The following SECISBP2L variants were observed in gnomAD, a reference collection of about 807,000 sequenced individuals.
SECISBP2L encodes SECIS binding protein 2 like, also known as selenocysteine insertion sequence-binding protein 2-like.
Under a neutral mutation model 114.7 loss-of-function variants are expected in SECISBP2L, and 43 were observed. The observed-to-expected ratio is 0.38, with a 90% CI of 0.29 to 0.48. The LOEUF (loss-of-function observed/expected upper bound fraction) is 0.48, where lower values mean the gene tolerates loss of function less well. Ranked by LOEUF, SECISBP2L falls within the 20% of genes least tolerant of loss-of-function variation. The probability of loss-of-function intolerance (pLI) is 0.98; values close to 1 mark genes in which losing one functional copy is unlikely to be tolerated. For synonymous variants in SECISBP2L, 451 were observed against 439.7 expected (o/e 1.03, Z -0.32); for missense variants, 1,136 against 1,301.1 (o/e 0.87, Z 1.95).
chr15:49,036,739 T>C (rs1179395831), intron 2 of SECISBP2L, among the ~76,000 whole-genome samples: 1 of 152,228 alleles, frequency 6.6e-6, no homozygotes, highest in Non-Finnish European at 1.5e-5. Context: ...CATTTAATAT[T>C]TGAGTAGTTG....
chr15:49,028,257 G>T, intron 5 of SECISBP2L, 89 bp from the exon 6 acceptor site: 1 of 1,158,902 alleles, frequency 8.6e-7, no homozygotes, highest in Non-Finnish European at 1.2e-6. Flanking sequence ...ATCCTAGTGT[G>T]AAGCATGCAT....
At chr15:49,023,434 G>A (rs750708117) in intron 7 of SECISBP2L, among the ~76,000 whole-genome samples, 4 of 152,152 alleles carry the variant, frequency 2.6e-5, no homozygotes, top group African/African-American at 7.2e-5. Flanking sequence ...ATCTGAAGCC[G>A]TATGAAACTA....
chr15:48,994,677 T>G (rs11070675), intron 17 of SECISBP2L, among the ~76,000 whole-genome samples: 7,230 of 152,242 alleles, frequency 0.047, 252 homozygotes, highest in East Asian at 0.15. Context: ...ATGAAGTTTT[T>G]CCTAACTCCT....
At chr15:49,017,771 G>A in intron 8 of SECISBP2L, 143 bp from the exon 9 acceptor site, 1 of 545,174 alleles carries the variant, frequency 1.8e-6, no homozygotes, top group South Asian at 2.7e-5. Flanking sequence ...AAGAGGAAAT[G>A]TCATTTCTCA....
chr15:48,992,441 G>A lies in SECISBP2L; in HGVS notation c.3109C>T (p.Leu1037Phe), dbSNP rs745312027. ...TMETLQLGKT[L>F]NGSEEDNVEQ... ...ACATTGTCTTCCTCAGAACCATTAA[G>A]GGTTTTTCCAAGCTGAAGGGTTTCC... Residue 1037 changes from leucine (L) to phenylalanine (F), a missense_variant, in exon 18 of 18, where the codon CTT (leucine) becomes TTT (phenylalanine). Physicochemically the swap from Leu to Phe is conservative, Grantham distance 22. Coordinates refer to ENST00000559471, the MANE Select transcript of SECISBP2L (RefSeq NM_001193489.2). 1 of 1,614,016 alleles carries A rather than the reference G, an allele frequency of 6.2e-7. No homozygotes were observed. The highest frequency in any genetic ancestry group is 1.3e-5 in the African/African-American group (1 of 74,914).
chr15:48,996,976 A>G (rs1340865774), intron 16 of SECISBP2L, among the ~76,000 whole-genome samples: 1 of 152,206 alleles, frequency 6.6e-6, no homozygotes, highest in Non-Finnish European at 1.5e-5. Flanking sequence ...GACACCTATA[A>G]TGCAAGGCAT....
intron 16 of SECISBP2L, 90 bp from the exon 17 acceptor site, chr15:48,996,676 A>G (rs1902098848): frequency 8.8e-6 from 10 of 1,140,376 alleles, no homozygotes; most frequent in Non-Finnish European, 1.1e-5. Flanking sequence ...TGTTTGTTTC[A>G]GGGTCAGACA....
In SECISBP2L at chr15:48,990,671, T is replaced by C. The variant is rs1174474744; in HGVS notation, c.*1573A>G. The C allele has an allele frequency of 1.3e-5, 2 of 152,566 alleles. No individual in the cohort carries two copies. The highest frequency in any genetic ancestry group is 2.4e-5 in the African/African-American group (1 of 41,414). 9.5% of individuals were successfully genotyped at this position (152,566 alleles called of 1,614,324 possible). A position where few individuals can be genotyped will look rare whatever the true frequency, so the allele number is the denominator to read the frequency against. ...TTATAAAACATCAAAACTAGCACAG[T>C]AGTCCCAATGAGTTCAGTAAAGAAT... On this transcript the variant is annotated 3_prime_UTR_variant, in exon 18 of 18. Coordinates refer to ENST00000559471, the MANE Select transcript of SECISBP2L (RefSeq NM_001193489.2).
chr15:49,005,560 C>CTTTTTTTT (rs752466722), intron 14 of SECISBP2L, among the ~76,000 whole-genome samples: 5 of 36,746 alleles, frequency 1.4e-4, no homozygotes, highest in Non-Finnish European at 2.0e-4. Flanking sequence ...GCAACCCCTG[C>CTTTTTTTT]TTTTTTTTTT....
chr15:49,013,021 A>T (rs1902467739), intron 11 of SECISBP2L: 1 of 525,756 alleles, frequency 1.9e-6, no homozygotes, highest in Non-Finnish European at 3.3e-6. Flanking sequence ...GCAATTAACC[A>T]ATTTAGAAGT....
In SECISBP2L at chr15:48,989,566, A is replaced by T. The variant is rs1354077780; in HGVS notation, c.*2678T>A. 1 of 152,620 alleles carries T rather than the reference A, an allele frequency of 6.6e-6. No individual in the cohort carries two copies. The highest frequency in any genetic ancestry group is 1.5e-5 in the Non-Finnish European group (1 of 68,016). 9.5% of individuals were successfully genotyped at this position (152,620 alleles called of 1,614,324 possible). A position where few individuals can be genotyped will look rare whatever the true frequency, so the allele number is the denominator to read the frequency against. ...AGCTAATATGAACATCTGTCTTTTGAGAAGTAATCTTCACAGCAAACAAAC... is the reference window on the plus strand; with the variant it reads ...AGCTAATATGAACATCTGTCTTTTGTGAAGTAATCTTCACAGCAAACAAAC... On this transcript the variant is annotated 3_prime_UTR_variant, in exon 18 of 18. Coordinates refer to ENST00000559471, the MANE Select transcript of SECISBP2L (RefSeq NM_001193489.2).
chr15:49,046,283 G>A lies in SECISBP2L; in HGVS notation c.17C>T (p.Thr6Met), dbSNP rs1380861580. The A allele has an allele frequency of 5.1e-6, 8 of 1,559,276 alleles. No homozygotes were observed. The highest frequency in any genetic ancestry group is 1.9e-5 in the Admixed American group (1 of 52,802). ...CAGCCCAAACCCGCGTACCTGCTCCGTGGGGGCTCGGTCCATGGTGCCTGC... is the reference window on the plus strand; with the variant it reads ...CAGCCCAAACCCGCGTACCTGCTCCATGGGGGCTCGGTCCATGGTGCCTGC... MDRAP[T>M]EQNVKLSAEV... The change falls in exon 1 of 18, where the codon ACG becomes ATG. Residue 6 changes from threonine to methionine, a missense_variant. By Grantham distance (81) the Thr-to-Met change is moderately conservative. This residue lies in a region of SECISBP2L where 452 missense variants were observed against 452.3 expected (regional missense o/e 1.00). Coordinates refer to ENST00000559471, the MANE Select transcript of SECISBP2L (RefSeq NM_001193489.2).
At chr15:49,040,132 A>C (rs999521783) in intron 1 of SECISBP2L, among the ~76,000 whole-genome samples, 1 of 152,202 alleles carries the variant, frequency 6.6e-6, no homozygotes, top group Non-Finnish European at 1.5e-5. Context: ...AGAAAGTTTT[A>C]TAAACTTAGG....
intron 9 of SECISBP2L, 111 bp from the exon 10 acceptor site, chr15:49,017,126 A>G: frequency 9.8e-7 from 1 of 1,021,778 alleles, no homozygotes; most frequent in South Asian, 1.7e-5. Flanking sequence ...TAGACTCTTC[A>G]AAGAATTCAA....
chr15:49,046,208 G>C (rs1392934244), intron 1 of SECISBP2L, 68 bp downstream of exon 1: 1 of 1,537,706 alleles, frequency 6.5e-7, no homozygotes, highest in African/African-American at 1.4e-5. Flanking sequence ...TCGGAGAACT[G>C]GGCCTGGCCT....
Position 48,992,195 on chromosome 15 carries a change from T to C in SECISBP2L, c.*49A>G. On this transcript the variant is annotated 3_prime_UTR_variant, in exon 18 of 18. Coordinates refer to ENST00000559471, the MANE Select transcript of SECISBP2L (RefSeq NM_001193489.2). ...TGTTGAGATGAAGCATAAAAGGTAATGGCTGCAACCCTTCCACAGCTGGAG... is the reference window on the plus strand; with the variant it reads ...TGTTGAGATGAAGCATAAAAGGTAACGGCTGCAACCCTTCCACAGCTGGAG... The C allele has an allele frequency of 2.0e-6, 3 of 1,518,780 alleles. No homozygotes were observed. The highest frequency in any genetic ancestry group is 4.5e-5 in the East Asian group (2 of 44,138). 94.1% of individuals were successfully genotyped at this position (1,518,780 alleles called of 1,614,324 possible).
At chr15:49,021,950 G>T (rs1015439935) in intron 7 of SECISBP2L, among the ~76,000 whole-genome samples, 24 of 152,114 alleles carry the variant, frequency 1.6e-4, no homozygotes, top group African/African-American at 5.5e-4. Context: ...CTACGGCTTT[G>T]AATATATATT....
At chr15:49,032,262 T>C (rs1319655067) in intron 4 of SECISBP2L, among the ~76,000 whole-genome samples, 1 of 152,216 alleles carries the variant, frequency 6.6e-6, no homozygotes, top group Non-Finnish European at 1.5e-5. Flanking sequence ...GATTTTTTAC[T>C]AGTGTCAATA....
At chr15:49,021,503 C>A (rs911884633) in intron 7 of SECISBP2L, among the ~76,000 whole-genome samples, 2 of 152,138 alleles carry the variant, frequency 1.3e-5, no homozygotes, top group Non-Finnish European at 1.5e-5. Flanking sequence ...AAAGTATAAT[C>A]TTTAGTAACA....
Sources: gnomAD v4.1 joint callset for allele counts (sites outside exome capture counted in the v4.1 genomes callset) on GRCh38, gnomAD v4.1.1 for gene constraint, gnomAD v4.1.1 regional missense constraint, MANE v1.5 for transcripts, NCBI Gene and HGNC (gene_info 2026-07-23, HGNC 2026-07-21) for gene names.